Variants in XKR4 observed in about 807,000 individuals in gnomAD.
The protein encoded by XKR4 is XK-related protein 4.
Under a neutral mutation model 53.9 loss-of-function variants are expected in XKR4, and 12 were observed. The ratio of observed to expected loss-of-function variants is 0.22; its 90% CI spans 0.14 to 0.36. The LOEUF (loss-of-function observed/expected upper bound fraction) is 0.36, where lower values mean the gene tolerates loss of function less well. Among genes scored for constraint, XKR4 ranks in the 10% least tolerant of loss-of-function variants. The pLI is 1.00. For synonymous variants in XKR4, 354 were observed against 362.4 expected (o/e 0.98, Z 0.26); for missense variants, 799 against 859.5 (o/e 0.93, Z 0.88).
At position 55,531,590 on chromosome 8, in the gene XKR4, T is replaced by C. The variant is rs1160707855; in HGVS notation, c.*7363T>C. ...ATGACTCTCCAACACTAGATATTTTTAAATTGATATCACAACACACAAAAA... is the reference window on the plus strand; with the variant it reads ...ATGACTCTCCAACACTAGATATTTTCAAATTGATATCACAACACACAAAAA... On this transcript the variant is annotated 3_prime_UTR_variant, in exon 3 of 3. Coordinates refer to ENST00000327381, the MANE Select transcript of XKR4 (RefSeq NM_052898.2). The C allele has an allele frequency of 6.6e-6, 1 of 152,174 alleles. No homozygotes were observed. The highest frequency in any genetic ancestry group is 1.5e-5 in the Non-Finnish European group (1 of 68,022). 9.4% of individuals were successfully genotyped at this position (152,174 alleles called of 1,614,324 possible).
chr8:55,127,289 G>C (rs1181448724), intron 1 of XKR4, among the ~76,000 whole-genome samples: 1 of 146,364 alleles, frequency 6.8e-6, no homozygotes, highest in Non-Finnish European at 1.5e-5. Context: ...GTCTCACTCT[G>C]TCGGCCAGAC....
intron 1 of XKR4, among the ~76,000 whole-genome samples, chr8:55,282,799 G>A (rs527908990): frequency 5.3e-5 from 8 of 152,252 alleles, no homozygotes; most frequent in African/African-American, 1.7e-4. Flanking sequence ...TATAGTAATG[G>A]CCTAGGCTTT....
chr8:55,427,103 G>A (rs1805027637), intron 2 of XKR4, among the ~76,000 whole-genome samples: 1 of 152,100 alleles, frequency 6.6e-6, no homozygotes, highest in Admixed American at 6.5e-5. Context: ...ACTACATTTT[G>A]CATTATATAA....
At position 55,525,558 on chromosome 8, in the gene XKR4, C is replaced by G. The variant is rs146650515; in HGVS notation, c.*1331C>G. 75 of 152,726 alleles carry G rather than the reference C, an allele frequency of 4.9e-4. No individual in the cohort carries two copies. Among genetic ancestry groups the G allele is most frequent in the African/African-American group, 1.7e-3 (72 of 41,550 alleles). The allele number at this position is 152,726 out of a possible 1,614,324, so 9.5% of individuals were successfully genotyped here. ...CATCTGTAAAGTCGCACTCTTACAA[C>G]AAGCTTCTGGGTTTTAAATACCTCC... On this transcript the variant is annotated 3_prime_UTR_variant, in exon 3 of 3. Transcript: ENST00000327381.
intron 2 of XKR4, among the ~76,000 whole-genome samples, chr8:55,499,902 G>T (rs1452796546): frequency 6.6e-6 from 1 of 152,078 alleles, no homozygotes; most frequent in African/African-American, 2.4e-5. Flanking sequence ...TCAATCCCTA[G>T]GTGTGCCCTC....
intron 2 of XKR4, among the ~76,000 whole-genome samples, chr8:55,481,272 C>A (rs1480431206): frequency 6.6e-6 from 1 of 152,102 alleles, no homozygotes; most frequent in East Asian, 1.9e-4. Context: ...CTTTGACAAA[C>A]CTGAGAAAAA....
chr8:55,224,076 A>G (rs908441197), intron 1 of XKR4, among the ~76,000 whole-genome samples: 5 of 152,170 alleles, frequency 3.3e-5, no homozygotes, highest in Non-Finnish European at 7.4e-5. Flanking sequence ...AATGTGCATA[A>G]ATATATACAT....
Position 55,452,964 on chromosome 8 carries a change from C to T in XKR4, c.1007-70317C>T. The T allele has an allele frequency of 6.7e-6, 5 of 743,354 alleles. No homozygotes were observed. The Admixed American group carries it at 8.9e-5, about 13-fold the overall frequency. The allele number at this position is 743,354 out of a possible 1,614,324, so 46.0% of individuals were successfully genotyped here. ...CTGCATCAGCTCCTGCTGCTTCTCA[C>T]CGCTCAGGGATGGCCACAGGCACCA... On this transcript the variant is annotated intron_variant, in intron 2 of 2. Coordinates refer to ENST00000327381, the MANE Select transcript of XKR4 (RefSeq NM_052898.2).
intron 1 of XKR4, among the ~76,000 whole-genome samples, chr8:55,229,366 G>T (rs1302781694): frequency 6.6e-6 from 1 of 152,242 alleles, no homozygotes; most frequent in African/African-American, 2.4e-5. Context: ...CGCAGGTGAG[G>T]CACATCCCTC....
intron 2 of XKR4, chr8:55,449,883 G>T (rs1243014869): frequency 1.1e-6 from 1 of 910,706 alleles, no homozygotes; most frequent in Non-Finnish European, 1.8e-6. Flanking sequence ...TGCTGGTGCT[G>T]CCGCAGGCAG....
chr8:55,243,147 G>A (rs2129368522), intron 1 of XKR4, among the ~76,000 whole-genome samples: 1 of 152,244 alleles, frequency 6.6e-6, no homozygotes, highest in Non-Finnish European at 1.5e-5. Context: ...ATCCTCCAGA[G>A]GAATACATTT....
At chr8:55,319,388 T>G (rs1386242389) in intron 1 of XKR4, among the ~76,000 whole-genome samples, 2 of 152,220 alleles carry the variant, frequency 1.3e-5, no homozygotes, top group Non-Finnish European at 2.9e-5. Context: ...TAAAAGGATC[T>G]AAATTCATTT....
chr8:55,311,164 A>G (rs562174180), intron 1 of XKR4, among the ~76,000 whole-genome samples: 1 of 152,300 alleles, frequency 6.6e-6, no homozygotes, highest in Admixed American at 6.5e-5. Flanking sequence ...TGTGCCTCGA[A>G]TTGGTAAAGG....
chr8:55,466,901 TA>T, intron 2 of XKR4, among the ~76,000 whole-genome samples: 1 of 152,306 alleles, frequency 6.6e-6, no homozygotes, highest in Middle Eastern at 3.4e-3. Context: ...GTTATTTGAT[TA>T]AAAAATTTAT....
rs1214589325 is a variant in XKR4, at chr8:55,528,927, T to C, written c.*4700T>C. ...ACCTGTAACAGGCCGTGAAATGCCC[T>C]GAGCATTCGAGTGGCATCCCTTCTC... is the stretch of plus-strand genomic sequence containing the variant. On this transcript the variant is annotated 3_prime_UTR_variant, in exon 3 of 3. Coordinates refer to ENST00000327381, the MANE Select transcript of XKR4 (RefSeq NM_052898.2). 1.3e-5 allele frequency: 2 copies of C among 151,438 alleles called. No individual in the cohort carries two copies. Among genetic ancestry groups the C allele is most frequent in the African/African-American group, 4.9e-5 (2 of 41,106 alleles). 9.4% of individuals were successfully genotyped at this position (151,438 alleles called of 1,614,324 possible).
At chr8:55,139,613 C>T (rs1201359125) in intron 1 of XKR4, among the ~76,000 whole-genome samples, 2 of 151,404 alleles carry the variant, frequency 1.3e-5, no homozygotes, top group East Asian at 3.9e-4. Context: ...ACATCAATGC[C>T]GTATTCAGAA....
At chr8:55,441,190 T>C (rs770863219) in intron 2 of XKR4, among the ~76,000 whole-genome samples, 8 of 151,874 alleles carry the variant, frequency 5.3e-5, no homozygotes, top group African/African-American at 2.4e-5. Context: ...CAGTGAACTG[T>C]GATTGGACTA....
chr8:55,346,078 T>G (rs1803634556), intron 1 of XKR4, among the ~76,000 whole-genome samples: 1 of 148,444 alleles, frequency 6.7e-6, no homozygotes, highest in Non-Finnish European at 1.5e-5. Context: ...ACATTTTCTT[T>G]TTCTTTTTTT....
At chr8:55,461,830 C>A (rs1034394725) in intron 2 of XKR4, among the ~76,000 whole-genome samples, 1 of 152,162 alleles carries the variant, frequency 6.6e-6, no homozygotes, top group African/African-American at 2.4e-5. Context: ...GACGAATGCA[C>A]AAGCCTCAGT....
Sources: gnomAD v4.1 joint callset for allele counts (sites outside exome capture counted in the v4.1 genomes callset) on GRCh38, gnomAD v4.1.1 for gene constraint, MANE v1.5 for transcripts, NCBI Gene and HGNC (gene_info 2026-07-23, HGNC 2026-07-21) for gene names.